The following IRAG2 variants were observed in gnomAD, a reference collection of about 807,000 sequenced individuals.
IRAG2 encodes lymphoid restricted membrane protein.
A neutral mutation model predicts 69.9 loss-of-function variants in IRAG2; 45 were observed. The ratio of observed to expected loss-of-function variants is 0.64; its 90% confidence interval spans 0.51 to 0.83. The LOEUF (loss-of-function observed/expected upper bound fraction) is 0.83, where lower values mean the gene tolerates loss of function less well. Ranked by LOEUF, IRAG2 falls within the 40% of genes least tolerant of loss-of-function variation. The probability of loss-of-function intolerance (pLI) is 0.00; values close to 1 mark genes in which losing one functional copy is unlikely to be tolerated. For missense variants in IRAG2, 520 were observed against 587.0 expected, an observed-to-expected ratio of 0.89 and a Z score of 1.18; for synonymous variants, 193 against 202.4, an observed-to-expected ratio of 0.95 and a Z score of 0.40.
At chr12:25,013,877 T>C (rs867136278) in intron 3 of IRAG2, among the ~76,000 whole-genome samples, 9 of 125,952 alleles carry the variant, frequency 7.1e-5, no homozygotes, top group Admixed American at 2.4e-4. Context: ...TTTTTTTTTT[T>C]TTTTTTTTTT....
At chr12:25,057,252 A>ATTTTTTTTTTTTTTTTTTTTTTTTTTT in intron 1 of IRAG2, among the ~76,000 whole-genome samples, 1 of 89,052 alleles carries the variant, frequency 1.1e-5, no homozygotes, top group Non-Finnish European at 2.0e-5. Context: ...AGGTAGACAG[A>ATTTTTTTTTTTTTTTTTTTTTTTTTTT]TTTTTTTTTT....
At chr12:25,068,640 G>C (rs11047806) in intron 5 of IRAG2, among the ~76,000 whole-genome samples, 2 of 151,892 alleles carry the variant, frequency 1.3e-5, no homozygotes, top group African/African-American at 4.8e-5. Flanking sequence ...GAGATACCGC[G>C]TTAGAACAGA....
At chr12:25,006,703 T>C (rs1944435642) in intron 2 of IRAG2, among the ~76,000 whole-genome samples, 2 of 152,064 alleles carry the variant, frequency 1.3e-5, no homozygotes, top group African/African-American at 4.8e-5. Flanking sequence ...ATGGGAACAA[T>C]AGGTATGGGG....
chr12:25,081,269 CCTGA>C (rs1308138456), intron 9 of IRAG2, among the ~76,000 whole-genome samples: 1 of 152,144 alleles, frequency 6.6e-6, no homozygotes, highest in Non-Finnish European at 1.5e-5. Context: ...GAGGGACCAT[CCTGA>C]CTAACACGGT....
intron 2 of IRAG2, among the ~76,000 whole-genome samples, chr12:25,006,584 C>T (rs1944433262): frequency 6.6e-6 from 1 of 152,190 alleles, no homozygotes; most frequent in South Asian, 2.1e-4. Flanking sequence ...AACATGGATG[C>T]AGCTGGAGGC....
intron 15 of IRAG2, among the ~76,000 whole-genome samples, chr12:25,099,184 G>C (rs1683161): frequency 0.99 from 150,298 of 152,268 alleles, 74,202 homozygotes; most frequent in Middle Eastern, 1. Context: ...GAGCTCCAGA[G>C]CAGAGTATGC....
At chr12:25,011,623 G>C in intron 3 of IRAG2, 3 of 962,542 alleles carry the variant, frequency 3.1e-6, no homozygotes, top group Non-Finnish European at 4.0e-6. Flanking sequence ...GCTAATCACT[G>C]TTTCCTGTGT....
chr12:25,019,809 A>T (rs771562348), intron 6 of IRAG2, among the ~76,000 whole-genome samples: 7 of 152,158 alleles, frequency 4.6e-5, no homozygotes, highest in Non-Finnish European at 1.0e-4. Context: ...GACCTCCTTG[A>T]TGGGAGGAAC....
At chr12:25,070,366 A>G (rs1946262405) in intron 6 of IRAG2, among the ~76,000 whole-genome samples, 1 of 152,214 alleles carries the variant, frequency 6.6e-6, no homozygotes, top group African/African-American at 2.4e-5. Flanking sequence ...ATGGATTCAT[A>G]CAATATATGG....
chr12:25,000,555 C>T (rs1259083543), upstream of IRAG2, among the ~76,000 whole-genome samples: 10 of 152,070 alleles, frequency 6.6e-5, no homozygotes, highest in South Asian at 2.1e-4. Context: ...AGTTTGAGGC[C>T]GCAATGTGCT....
Position 25,017,127 on chromosome 12 carries a change from C to A in IRAG2, c.1056-7C>A. ...AAGGTTATTCTCATCTATTCTTTTA[C>A]TTGCAGAGAGGTGTCTGATTTGATT... On this transcript the variant is annotated splice_region_variant and splice_polypyrimidine_tract_variant and intron_variant, in intron 5 of 38. Coordinates refer to the IRAG2 transcript ENST00000636465. The A allele has an allele frequency of 4.1e-6, 5 of 1,231,544 alleles. No homozygotes were observed. The East Asian group carries it at 1.3e-4, about 31-fold the overall frequency. 76.3% of individuals were successfully genotyped at this position (1,231,544 alleles called of 1,614,324 possible).
At chr12:25,016,215 G>C (rs758032198) in intron 5 of IRAG2, among the ~76,000 whole-genome samples, 20 of 150,860 alleles carry the variant, frequency 1.3e-4, no homozygotes, top group African/African-American at 4.1e-4. Context: ...AAAGAAAAGT[G>C]GAGTGGGAAC....
chr12:25,077,593 A>C (rs550412225), intron 6 of IRAG2, among the ~76,000 whole-genome samples: 2 of 151,884 alleles, frequency 1.3e-5, no homozygotes, highest in East Asian at 3.9e-4. Context: ...GCTGCTTATA[A>C]ATTGTAGAGT....
At chr12:25,006,132 A>C (rs531561616) in intron 2 of IRAG2, 1 of 152,190 alleles carries the variant, frequency 6.6e-6, no homozygotes, top group Non-Finnish European at 1.5e-5. Context: ...AAAAATACTC[A>C]TCATTACTAA....
At chr12:25,082,936 A>G (rs1356528922) in intron 9 of IRAG2, among the ~76,000 whole-genome samples, 1 of 152,218 alleles carries the variant, frequency 6.6e-6, no homozygotes, top group Non-Finnish European at 1.5e-5. Flanking sequence ...GGCACAAGTT[A>G]AAAATGCATC....
chr12:25,063,863 T>C, intron 4 of IRAG2, 47 bp downstream of exon 4: 1 of 398,974 alleles, frequency 2.5e-6, no homozygotes, highest in South Asian at 1.3e-4. Flanking sequence ...GGGGTAGAGT[T>C]CTATTTGAAA....
intron 3 of IRAG2, among the ~76,000 whole-genome samples, chr12:25,014,589 A>G (rs1944505318): frequency 6.6e-6 from 1 of 151,168 alleles, no homozygotes; most frequent in African/African-American, 2.4e-5. Context: ...TTTGCAGTTC[A>G]AGCTAGAGTG....
At chr12:25,002,015 C>T (rs577109327), upstream of IRAG2, among the ~76,000 whole-genome samples, 4 of 152,136 alleles carry the variant, frequency 2.6e-5, no homozygotes, top group South Asian at 2.1e-4. Flanking sequence ...GTGATCCACC[C>T]GCCTCAGCCC....
intron 7 of IRAG2, among the ~76,000 whole-genome samples, chr12:25,021,792 C>A (rs1944583172): frequency 1.3e-5 from 2 of 152,242 alleles, no homozygotes; most frequent in Admixed American, 1.3e-4. Flanking sequence ...GGTTCCAGCC[C>A]TGTGGCAGTC....
Sources: allele counts gnomAD v4.1 joint callset (sites outside exome capture counted in the v4.1 genomes callset), GRCh38; gene constraint gnomAD v4.1.1; transcripts MANE v1.5; gene names NCBI Gene and HGNC (gene_info 2026-07-23, HGNC 2026-07-21).